Variants in PSMD1 observed in about 807,000 individuals in gnomAD.
PSMD1 encodes proteasome 26S subunit, non-ATPase 1.
Under a neutral mutation model 119.0 loss-of-function variants are expected in PSMD1, and 18 were observed. That is an observed-to-expected ratio of 0.15 (90% CI 0.10 to 0.22). The LOEUF is 0.22. Ranked by LOEUF, PSMD1 falls within the 10% of genes least tolerant of loss-of-function variation. PSMD1 has a pLI of 1.00. For synonymous variants in PSMD1, 374 were observed against 396.6 expected (o/e 0.94, Z 0.68); for missense variants, 702 against 1,158.5 (o/e 0.61, Z 5.72).
chr2:231,154,669 A>G (rs1011256770), intron 19 of PSMD1, among the ~76,000 whole-genome samples: 6 of 152,082 alleles, frequency 3.9e-5, no homozygotes, highest in Non-Finnish European at 7.4e-5. Context: ...GGATCTCACT[A>G]TGTTGCTCAG....
At chr2:231,152,631 G>A (rs1358237601) in intron 18 of PSMD1, among the ~76,000 whole-genome samples, 2 of 152,110 alleles carry the variant, frequency 1.3e-5, no homozygotes, top group Non-Finnish European at 2.9e-5. Flanking sequence ...CAAATGAAAA[G>A]GGGGAAAAGA....
intron 16 of PSMD1, chr2:231,108,505 C>G: frequency 1.2e-6 from 2 of 1,603,138 alleles, no homozygotes; most frequent in Non-Finnish European, 1.7e-6. Flanking sequence ...TTGATGACAA[C>G]TGCCAGTTCT....
At position 231,138,865 on chromosome 2, in the gene PSMD1, C is replaced by A; in HGVS notation, c.1998+15C>A. The A allele has an allele frequency of 6.4e-7, 1 of 1,572,180 alleles. No homozygotes were observed. The highest frequency in any genetic ancestry group is 8.8e-7 in the Non-Finnish European group (1 of 1,141,878). ...CAGGAAACAAGGTAAAGCCCACAGC[C>A]AATGGGGTCAGTTCTTTCTTGGCGC... On this transcript the variant is annotated intron_variant, in intron 17 of 24. Transcript: ENST00000308696.
At chr2:231,071,660 G>A (rs114630855) in intron 6 of PSMD1, among the ~76,000 whole-genome samples, 6,729 of 152,176 alleles carry the variant, frequency 0.044, 231 homozygotes, top group Non-Finnish European at 0.066. Flanking sequence ...AAGGGAACAA[G>A]AAAATTTAAA....
chr2:231,114,208 C>T (rs534385079), intron 16 of PSMD1, among the ~76,000 whole-genome samples: 60 of 152,228 alleles, frequency 3.9e-4, no homozygotes, highest in Non-Finnish European at 7.6e-4. Context: ...GACCTTTGCT[C>T]TTTTGTCGAT....
rs746789387 is a variant in PSMD1 at position 231,113,690 on chromosome 2, A to T, written c.1884-25046A>T. On this transcript the variant is annotated intron_variant, in intron 16 of 24. Transcript: ENST00000308696. ...TTCTCCTAGCCAAGTGGAACCAAAG[A>T]TTTTGTATACCACCCACACTCTGGC... The T allele has an allele frequency of 6.3e-6, 10 of 1,582,380 alleles. No individual in the cohort carries two copies. In the East Asian group the frequency reaches 2.2e-4, roughly 35 times the overall value.
chr2:231,097,352 TGAGTTGCTGGCTAACTCATTGGATAGA>T (rs1303494210), intron 16 of PSMD1, among the ~76,000 whole-genome samples: 1 of 152,220 alleles, frequency 6.6e-6, no homozygotes, highest in African/African-American at 2.4e-5. Context: ...CATTTACCCT[TGAGTTGCTGGCTAACTCATTGGATAGA>T]GCAGTCAGAC....
chr2:231,109,248 G>A (rs1249703819), intron 16 of PSMD1: 1 of 1,614,184 alleles, frequency 6.2e-7, no homozygotes, highest in East Asian at 2.2e-5. Context: ...TGGATAGTGA[G>A]AAAGTAGGTG....
At chr2:231,070,774 ATTGTATTTTATTGACT>A (rs1694024304) in intron 6 of PSMD1, among the ~76,000 whole-genome samples, 1 of 152,000 alleles carries the variant, frequency 6.6e-6, no homozygotes, top group Non-Finnish European at 1.5e-5. Context: ...TAATGACTGT[ATTGTATTTTATTGACT>A]GGAGGTGTGC....
At chr2:231,061,227 G>A in intron 1 of PSMD1, 40 bp from the exon 2 acceptor site, 1 of 1,510,590 alleles carries the variant, frequency 6.6e-7, no homozygotes, top group Non-Finnish European at 9.1e-7. Flanking sequence ...ACTTTAGTGA[G>A]AATGTGTTTC....
chr2:231,057,144 G>A (rs1693615587), intron 1 of PSMD1, 103 bp downstream of exon 1: 2 of 1,375,172 alleles, frequency 1.5e-6, no homozygotes, highest in Middle Eastern at 5.3e-4. Flanking sequence ...CGGAACGCCG[G>A]CCTGGGCAGC....
chr2:231,098,002 G>A lies in PSMD1; in HGVS notation c.1883+10821G>A, dbSNP rs192969151. Among the ~76,000 whole-genome samples, 52 of 152,322 alleles carry A rather than the reference G, an allele frequency of 3.4e-4. No homozygotes were observed. In the East Asian group the frequency reaches 9.2e-3, roughly 27 times the overall value. ...TCACTGCATCCCTTCAGGTCTCCAA[G>A]GAATGCTAAGTTTCCTCCCTGTCGT... On this transcript the variant is annotated intron_variant, in intron 16 of 24. Transcript: ENST00000308696.
intron 13 of PSMD1, among the ~76,000 whole-genome samples, chr2:231,083,195 C>A (rs188296986): frequency 2.2e-3 from 328 of 152,266 alleles, no homozygotes; most frequent in African/African-American, 7.6e-3. Flanking sequence ...AATGGTATAT[C>A]CTGTGTGTCC....
intron 16 of PSMD1, among the ~76,000 whole-genome samples, chr2:231,131,092 C>T (rs991885653): frequency 6.6e-6 from 1 of 152,118 alleles, no homozygotes; most frequent in Admixed American, 6.5e-5. Context: ...GTTGAAGAAA[C>T]CAGTTATCTC....
At chr2:231,110,891 T>C (rs573996402) in intron 16 of PSMD1, among the ~76,000 whole-genome samples, 2 of 152,346 alleles carry the variant, frequency 1.3e-5, no homozygotes, top group African/African-American at 4.8e-5. Context: ...CCCAAAATAT[T>C]TGCTGTCTTA....
rs558113586 is a variant in PSMD1 at position 231,085,097 on chromosome 2, C to T, written c.1801C>T (p.Arg601Cys). Residue 601 changes from arginine (R) to cysteine (C), a missense_variant, in exon 15 of 25, where the codon CGC (arginine) becomes TGC (cysteine). Physicochemically the swap from Arg to Cys is radical, Grantham distance 180 (BLOSUM62 -3). Coordinates refer to ENST00000308696, the MANE Select transcript of PSMD1 (RefSeq NM_002807.4). ...CGSGNNKAIR[R>C]LLHVAVSDVN... ...CTCTGGTAACAACAAAGCAATTCGA[C>T]GCCTGCTACATGTTGCTGTAAGTAC... is the stretch of plus-strand genomic sequence containing the variant. 28 of 1,613,616 alleles carry T rather than the reference C, an allele frequency of 1.7e-5. No individual in the cohort carries two copies. The East Asian group carries it at 1.8e-4, about 10-fold the overall frequency.
chr2:231,141,495 T>G (rs1230808543), intron 17 of PSMD1, among the ~76,000 whole-genome samples: 1 of 150,566 alleles, frequency 6.6e-6, no homozygotes, highest in Non-Finnish European at 1.5e-5. Flanking sequence ...AATGGGGCTA[T>G]GATAGCTCAC....
intron 16 of PSMD1, among the ~76,000 whole-genome samples, chr2:231,128,466 C>G (rs1695778238): frequency 6.6e-6 from 1 of 152,188 alleles, no homozygotes; most frequent in South Asian, 2.1e-4. Flanking sequence ...ATAGCTATTT[C>G]AAACTTAATC....
At chr2:231,134,376 G>A (rs1469981547) in intron 16 of PSMD1, among the ~76,000 whole-genome samples, 2 of 152,188 alleles carry the variant, frequency 1.3e-5, no homozygotes, top group East Asian at 3.8e-4. Flanking sequence ...ACAATTGGCA[G>A]ATAGTCACAT....
Sources: allele counts gnomAD v4.1 joint callset (sites outside exome capture counted in the v4.1 genomes callset), GRCh38; gene constraint gnomAD v4.1.1; transcripts MANE v1.5; gene names NCBI Gene and HGNC (gene_info 2026-07-23, HGNC 2026-07-21).